Variants in NRK observed in about 807,000 individuals in gnomAD.
NRK encodes Nik related kinase.
In NRK, 67 loss-of-function variants were observed where a neutral mutation model predicts 125.2. The ratio of observed to expected loss-of-function variants is 0.54; its 90% confidence interval spans 0.44 to 0.66. The LOEUF (loss-of-function observed/expected upper bound fraction) is 0.66. Among genes scored for constraint, NRK ranks in the 30% least tolerant of loss-of-function variants. The pLI, the probability that NRK is intolerant of heterozygous loss-of-function variation, is 0.00. For synonymous variants in NRK, 458 were observed against 429.0 expected (o/e 1.07, Z -0.84); for missense variants, 1,224 against 1,192.9 (o/e 1.03, Z -0.38).
chrX:105,866,757 G>A (rs887132628), intron 2 of NRK, among the ~76,000 whole-genome samples: 11 of 111,964 alleles, frequency 9.8e-5, no homozygotes, highest in Non-Finnish European at 1.9e-4. Context: ...AGTTTTTGGG[G>A]CCTCTCACAC....
At chrX:105,915,014 C>G (rs1473156548) in intron 14 of NRK, among the ~76,000 whole-genome samples, 1 of 107,143 alleles carries the variant, frequency 9.3e-6, no homozygotes, top group Non-Finnish European at 1.9e-5. Context: ...TAAAATTCCC[C>G]CATTGGTGGA....
At chrX:105,872,039 C>T (rs537505806) in intron 2 of NRK, among the ~76,000 whole-genome samples, 1 of 111,437 alleles carries the variant, frequency 9.0e-6, no homozygotes, top group South Asian at 3.8e-4. Flanking sequence ...ACTCCAGGAT[C>T]CATCTGCTGA....
intron 16 of NRK, among the ~76,000 whole-genome samples, chrX:105,920,285 T>C (rs1240798786): frequency 5.6e-5 from 6 of 108,083 alleles, no homozygotes; most frequent in Non-Finnish European, 1.1e-4. Flanking sequence ...CATGCTGTTT[T>C]GGTTACTGTA....
chrX:105,930,049 T>C (rs887410258), intron 19 of NRK, among the ~76,000 whole-genome samples: 2 of 111,672 alleles, frequency 1.8e-5, no homozygotes, highest in African/African-American at 6.5e-5. Flanking sequence ...GTGATTTTCT[T>C]TGGGAGGACC....
Position 105,857,047 on chromosome X carries a change from C to T in NRK, c.124-23152C>T, listed in dbSNP as rs531759908. Among the ~76,000 whole-genome samples, 6 of 111,623 alleles carry T rather than the reference C, an allele frequency of 5.4e-5. No homozygotes were observed. In the South Asian group the frequency reaches 2.3e-3, roughly 42 times the overall value. On this transcript the variant is annotated intron_variant, in intron 2 of 28. Transcript: ENST00000243300. ...TCCACAATTTTGCATTTATATTTAT[C>T]ACTGTTATTAGTTACTTGAGTCTAA...
At chrX:105,850,092 G>A (rs1489118374) in intron 2 of NRK, among the ~76,000 whole-genome samples, 1 of 112,338 alleles carries the variant, frequency 8.9e-6, no homozygotes, top group Non-Finnish European at 1.9e-5. Flanking sequence ...GGTGATCCAG[G>A]CATTTCCATA....
At chrX:105,843,607 G>A (rs932483648) in intron 2 of NRK, among the ~76,000 whole-genome samples, 1 of 111,750 alleles carries the variant, frequency 8.9e-6, no homozygotes, top group Non-Finnish European at 1.9e-5. Flanking sequence ...ATTACTTTCT[G>A]CTGAATGAGT....
chrX:105,850,197 G>A (rs959680593), intron 2 of NRK, among the ~76,000 whole-genome samples: 5 of 112,605 alleles, frequency 4.4e-5, no homozygotes, highest in African/African-American at 1.6e-4. Flanking sequence ...CAAAGGCTTG[G>A]GGCTTGCACC....
At chrX:105,880,165 A>G in intron 2 of NRK, 34 bp from the exon 3 acceptor site, 2 of 801,233 alleles carry the variant, frequency 2.5e-6, no homozygotes, top group Middle Eastern at 2.9e-4. Flanking sequence ...TTACCTAGCC[A>G]GCATTTGATA....
At chrX:105,925,452 G>A (rs1443121106) in intron 19 of NRK, among the ~76,000 whole-genome samples, 1 of 110,616 alleles carries the variant, frequency 9.0e-6, no homozygotes, top group African/African-American at 3.3e-5. Context: ...TGTGTGTTGG[G>A]AACAATCAAT....
intron 2 of NRK, among the ~76,000 whole-genome samples, chrX:105,840,821 G>A (rs142660761): frequency 0.029 from 3,105 of 107,105 alleles, 136 homozygotes; most frequent in African/African-American, 0.1. Flanking sequence ...TTGCTTTTGC[G>A]TATATATATG....
At chrX:105,927,936 T>TTTTG (rs747451484) in intron 19 of NRK, among the ~76,000 whole-genome samples, 3 of 111,299 alleles carry the variant, frequency 2.7e-5, no homozygotes, top group South Asian at 7.5e-4. Flanking sequence ...GGCTTGTAGT[T>TTTTG]TTTGTTTGTT....
intron 13 of NRK, among the ~76,000 whole-genome samples, chrX:105,912,368 C>T (rs1200689291): frequency 9.0e-6 from 1 of 110,561 alleles, no homozygotes; most frequent in Admixed American, 9.7e-5. Flanking sequence ...GTCAGCAATC[C>T]ACCAGAAAAT....
At chrX:105,878,071 C>A (rs1039123435) in intron 2 of NRK, among the ~76,000 whole-genome samples, 2 of 110,923 alleles carry the variant, frequency 1.8e-5, no homozygotes, top group Admixed American at 9.7e-5. Context: ...AGGAAGGAAG[C>A]ATTGTAACTT....
At chrX:105,865,284 G>A (rs1242718700) in intron 2 of NRK, among the ~76,000 whole-genome samples, 2 of 111,314 alleles carry the variant, frequency 1.8e-5, no homozygotes, top group Non-Finnish European at 3.8e-5. Flanking sequence ...ATTTTGGCAG[G>A]AACAGAATCC....
intron 14 of NRK, 100 bp from the exon 15 acceptor site, chrX:105,915,630 T>C (rs2040355244): frequency 4.8e-6 from 2 of 412,555 alleles, no homozygotes; most frequent in East Asian, 8.0e-5. Flanking sequence ...AGTTAGATTT[T>C]AGGAAAATAT....
chrX:105,887,711 A>G (rs1042492742), intron 4 of NRK, among the ~76,000 whole-genome samples: 1 of 112,221 alleles, frequency 8.9e-6, no homozygotes, highest in Non-Finnish European at 1.9e-5. Flanking sequence ...AGACCATGTT[A>G]TATGATTTCA....
In NRK at chrX:105,888,279, ATTC is replaced by A. The variant is rs768336717; in HGVS notation, c.253-12_253-10del. On this transcript the variant is annotated splice_polypyrimidine_tract_variant and intron_variant, in intron 4 of 28. Coordinates refer to ENST00000243300, the MANE Select transcript of NRK (RefSeq NM_198465.4). ...GCACAGTTTAGGAGCTTTGCTGTCTATTCTTATTCCATAGGATGAGGAAGAGGA... is the reference window on the plus strand; with the variant it reads ...GCACAGTTTAGGAGCTTTGCTGTCTATTATTCCATAGGATGAGGAAGAGGA... 5.9e-6 allele frequency: 7 copies of A among 1,184,725 alleles called. No individual in the cohort carries two copies. The Admixed American group carries it at 1.6e-4, about 27-fold the overall frequency.
At chrX:105,916,262 A>G (rs2040364203) in intron 15 of NRK, among the ~76,000 whole-genome samples, 1 of 111,057 alleles carries the variant, frequency 9.0e-6, no homozygotes, top group Non-Finnish European at 1.9e-5. Context: ...ATATAAATAA[A>G]ATATCATATA....
Sources: allele counts gnomAD v4.1 joint callset (sites outside exome capture counted in the v4.1 genomes callset), GRCh38; gene constraint gnomAD v4.1.1; transcripts MANE v1.5; gene names NCBI Gene and HGNC (gene_info 2026-07-23, HGNC 2026-07-21).